Variants in CNTN2 observed in about 807,000 individuals in gnomAD.
CNTN2 encodes contactin-2.
CNTN2 carries 53 observed loss-of-function variants against 117.5 expected under a neutral mutation model. The ratio of observed to expected loss-of-function variants is 0.45; its 90% CI spans 0.36 to 0.57. The LOEUF (loss-of-function observed/expected upper bound fraction) is 0.57. Ranked by LOEUF, CNTN2 falls within the 20% of genes least tolerant of loss-of-function variation. The pLI is 0.00. For missense variants in CNTN2, 1,106 were observed against 1,404.3 expected (o/e 0.79, Z 3.39); for synonymous variants, 530 against 561.7 (o/e 0.94, Z 0.80).
At chr1:205,051,886 G>A (rs1236942519) in intron 1 of CNTN2, among the ~76,000 whole-genome samples, 2 of 152,206 alleles carry the variant, frequency 1.3e-5, no homozygotes, top group Non-Finnish European at 2.9e-5. Context: ...AGGCCTGAGA[G>A]GCAATCTTAG....
At chr1:205,050,271 A>C (rs2096450053) in intron 1 of CNTN2, among the ~76,000 whole-genome samples, 1 of 130,182 alleles carries the variant, frequency 7.7e-6, no homozygotes. Flanking sequence ...CTGACCCTAG[A>C]GCTCTGAGTG....
intron 19 of CNTN2, chr1:205,070,995 CAAA>C: frequency 2.0e-5 from 2 of 98,822 alleles, no homozygotes; most frequent in East Asian, 2.6e-4. Context: ...GACTCCATCT[CAAA>C]AAAAAAAAAA....
chr1:205,072,070 G>T lies in CNTN2; in HGVS notation c.2668G>T (p.Ala890Ser). 3 of 1,614,078 alleles carry T rather than the reference G, an allele frequency of 1.9e-6. No individual in the cohort carries two copies. The highest frequency in any genetic ancestry group is 2.2e-5 in the South Asian group (2 of 91,076). Residue 890 changes from alanine to serine, a missense_variant, in exon 20 of 23, where the codon GCC becomes TCC. Coordinates refer to ENST00000331830, the MANE Select transcript of CNTN2 (RefSeq NM_005076.5). Reference protein sequence around the residue: ...PNTKYHVTVRAYNRAGTGPAS... With the variant: ...PNTKYHVTVRSYNRAGTGPAS... ...CACCAAGTACCATGTGACCGTGAGG[G>T]CCTACAACCGGGCTGGCACTGGGCC...
rs764452806 is a variant in CNTN2 at position 205,071,979 on chromosome 1, A to G, written c.2577A>G (p.Ala859=). ...IRYWKAGDKE[A]AADRVRTAGL... Reference sequence around the variant, plus strand: ...ACTGGAAAGCTGGGGACAAAGAAGCAGCTGCGGACCGAGTGAGGACAGCAG... The same window carrying G: ...ACTGGAAAGCTGGGGACAAAGAAGCGGCTGCGGACCGAGTGAGGACAGCAG... Residue 859 remains alanine, a synonymous_variant, in exon 20 of 23, where the codon GCA becomes GCG. Transcript: ENST00000331830. 2.7e-5 allele frequency: 44 copies of G among 1,613,166 alleles called. No individual in the cohort carries two copies. Among genetic ancestry groups the G allele is most frequent in the Non-Finnish European group, 3.4e-6 (4 of 1,179,736 alleles).
chr1:205,058,818 A>C lies in CNTN2; in HGVS notation c.487+155A>C. 1.5e-6 allele frequency: 1 copy of C among 684,064 alleles called. No individual in the cohort carries two copies. Among genetic ancestry groups the C allele is most frequent in the South Asian group, 1.9e-5 (1 of 51,902 alleles). The allele number at this position is 684,064 out of a possible 1,614,324, so 42.4% of individuals were successfully genotyped here. On this transcript the variant is annotated intron_variant, in intron 5 of 22. Transcript: ENST00000331830. This position sits in a 1 kb window ranked among gnomAD's most constrained non-coding sequence, Gnocchi z 4.3. ...ACTTTAAATGATCTGTGTTTCCTTTATAGGTCTGTCACTTTCCATCGTTGT... is the reference window on the plus strand; with the variant it reads ...ACTTTAAATGATCTGTGTTTCCTTTCTAGGTCTGTCACTTTCCATCGTTGT...
At chr1:205,055,293 CAG>C (rs983069706) in intron 2 of CNTN2, among the ~76,000 whole-genome samples, 3 of 152,142 alleles carry the variant, frequency 2.0e-5, no homozygotes, top group African/African-American at 7.2e-5. Flanking sequence ...GGATTACAGG[CAG>C]AGAGTGTGTT....
rs576639180 is a variant in CNTN2, at chr1:205,061,428, G to C, written c.973+8G>C. The stretch of plus-strand genomic sequence containing the variant: ...GCCGCATCATCGTGCAGGGTACAGA[G>C]CCAGGGACACCTTCTCCGCCCCTCC... On this transcript the variant is annotated splice_region_variant and intron_variant, in intron 8 of 22. Transcript: ENST00000331830. The surrounding 1 kb of genome is among the most constrained non-coding windows in gnomAD (Gnocchi z 4.8). 6.3e-7 allele frequency: 1 copy of C among 1,589,576 alleles called. No individual in the cohort carries two copies. The highest frequency in any genetic ancestry group is 1.1e-5 in the South Asian group (1 of 89,532).
intron 1 of CNTN2, among the ~76,000 whole-genome samples, chr1:205,045,890 A>T (rs1376934201): frequency 6.6e-6 from 1 of 152,164 alleles, no homozygotes; most frequent in Non-Finnish European, 1.5e-5. Context: ...TCCTGCCTAG[A>T]GGCAAAGGTT....
Position 205,059,176 on chromosome 1 carries a change from A to G in CNTN2, c.580A>G (p.Ile194Val). ...FVSQTTGNLYIARTNASDLGN... is the reference protein window; with the variant it reads ...FVSQTTGNLYVARTNASDLGN... ...GTCCCAGACCACAGGGAACCTGTAC[A>G]TTGCCCGAACCAATGCCTCAGACCT... is the stretch of plus-strand genomic sequence containing the variant. Residue 194 changes from isoleucine to valine, a missense_variant, in exon 6 of 23, where the codon ATT (isoleucine) becomes GTT (valine). By Grantham distance (29) the Ile-to-Val change is conservative. Transcript: ENST00000331830. The surrounding 1 kb of genome is among the most constrained non-coding windows in gnomAD (Gnocchi z 5.6). 5 of 1,614,136 alleles carry G rather than the reference A, an allele frequency of 3.1e-6. No individual in the cohort carries two copies. Among genetic ancestry groups the G allele is most frequent in the African/African-American group, 1.3e-5 (1 of 75,028 alleles).
intron 2 of CNTN2, 55 bp from the exon 3 acceptor site, chr1:205,057,866 C>G: frequency 6.3e-7 from 1 of 1,587,688 alleles, no homozygotes; most frequent in African/African-American, 1.3e-5. Context: ...GCCCAAGAGG[C>G]CAGGCTCCAG....
At position 205,065,831 on chromosome 1, in the gene CNTN2, C is replaced by A. The variant is rs185787873; in HGVS notation, c.1738C>A (p.Arg580Ser). 6.2e-6 allele frequency: 10 copies of A among 1,602,938 alleles called. No individual in the cohort carries two copies. The highest frequency in any genetic ancestry group is 8.5e-6 in the Non-Finnish European group (10 of 1,172,588). Residue 580 changes from arginine to serine, a missense_variant, in exon 14 of 23, where the codon CGC (arginine) becomes AGC (serine). Arg to Ser is a moderately radical substitution (Grantham distance 110). Coordinates refer to ENST00000331830, the MANE Select transcript of CNTN2 (RefSeq NM_005076.5). This position sits in a 1 kb window ranked among gnomAD's most constrained non-coding sequence, Gnocchi z 4.1. ...TCTGACCATCCTGAACGCCCAGCTG[C>A]GCCATGGGGGGAAGTACACGTGCAT... ...GDLTILNAQLRHGGKYTCMAQ... is the reference protein window; with the variant it reads ...GDLTILNAQLSHGGKYTCMAQ...
Position 205,049,322 on chromosome 1 carries a change from A to G in CNTN2, c.-86-3778A>G, listed in dbSNP as rs1171727837. On this transcript the variant is annotated intron_variant, in intron 1 of 22. Coordinates refer to ENST00000331830, the MANE Select transcript of CNTN2 (RefSeq NM_005076.5). The stretch of plus-strand genomic sequence containing the variant: ...CACACACACACACACACACACACAC[A>G]CACAGACATACACACAAAGACCGGA... Among the ~76,000 whole-genome samples the G allele has an allele frequency of 1.7e-4, 26 of 150,974 alleles. 1 individual carries two copies.
chr1:205,062,101 CT>C (rs760238741), intron 9 of CNTN2, 100 bp downstream of exon 9: 1 of 1,436,276 alleles, frequency 7.0e-7, no homozygotes, highest in Non-Finnish European at 9.4e-7. Flanking sequence ...AGTAGCCCCT[CT>C]GGGCTAATTA....
In CNTN2 at chr1:205,065,026, C is replaced by T. The variant is rs750074760; in HGVS notation, c.1520-61C>T. The T allele has an allele frequency of 1.2e-4, 195 of 1,562,012 alleles. No individual in the cohort carries two copies. Among genetic ancestry groups the T allele is most frequent in the Non-Finnish European group, 1.6e-4 (185 of 1,142,982 alleles). On this transcript the variant is annotated intron_variant, in intron 12 of 22. Coordinates refer to ENST00000331830, the MANE Select transcript of CNTN2 (RefSeq NM_005076.5). This position sits in a 1 kb window ranked among gnomAD's most constrained non-coding sequence, Gnocchi z 4.1. Reference sequence around the variant, plus strand: ...GGACAGAGCCTCTCAGCCTGCCCTGCGGACCCGGCCTGGGCCCATTTCCTC... The same window carrying T: ...GGACAGAGCCTCTCAGCCTGCCCTGTGGACCCGGCCTGGGCCCATTTCCTC...
At position 205,073,839 on chromosome 1, in the gene CNTN2, A is replaced by G; in HGVS notation, c.*74A>G. On this transcript the variant is annotated 3_prime_UTR_variant, in exon 23 of 23. Transcript: ENST00000331830. This position sits in a 1 kb window ranked among gnomAD's most constrained non-coding sequence, Gnocchi z 6.3. ...ACACAGCCAGCCCCTTCCTGCTGCCAAGGTGGCCTGACACTGTGCCAGAGA... is the reference window on the plus strand; with the variant it reads ...ACACAGCCAGCCCCTTCCTGCTGCCGAGGTGGCCTGACACTGTGCCAGAGA... 1 of 1,275,180 alleles carries G rather than the reference A, an allele frequency of 7.8e-7. No homozygotes were observed. Among genetic ancestry groups the G allele is most frequent in the Non-Finnish European group, 1.1e-6 (1 of 892,680 alleles). The allele number at this position is 1,275,180 out of a possible 1,614,324, so 79.0% of individuals were successfully genotyped here.
intron 2 of CNTN2, among the ~76,000 whole-genome samples, chr1:205,055,732 T>G (rs1438492108): frequency 6.6e-6 from 1 of 152,172 alleles, no homozygotes; most frequent in African/African-American, 2.4e-5. Flanking sequence ...CCAGATCCGC[T>G]CCTTCTCGCT....
At chr1:205,045,967 T>C (rs886503001) in intron 1 of CNTN2, among the ~76,000 whole-genome samples, 2 of 152,200 alleles carry the variant, frequency 1.3e-5, no homozygotes, top group Non-Finnish European at 2.9e-5. Context: ...AAAAGGTGGA[T>C]GTGACTCAGG....
In CNTN2 at chr1:205,074,827, A is replaced by C. The variant is rs936994078; in HGVS notation, c.*1062A>C. 2.5e-6 allele frequency: 1 copy of C among 398,532 alleles called. No homozygotes were observed. The highest frequency in any genetic ancestry group is 2.1e-5 in the African/African-American group (1 of 48,622). 24.7% of individuals were successfully genotyped at this position (398,532 alleles called of 1,614,324 possible). ...ATTGGGAGGTTTCTGGGAAGGGCAG[A>C]GGATAAATGTGGCCCTGCCTGCTCC... On this transcript the variant is annotated 3_prime_UTR_variant, in exon 23 of 23. Coordinates refer to ENST00000331830, the MANE Select transcript of CNTN2 (RefSeq NM_005076.5).
At position 205,076,460 on chromosome 1, in the gene CNTN2, G is replaced by C. The variant is rs1220460766; in HGVS notation, c.*2695G>C. 2.0e-5 allele frequency: 3 copies of C among 152,180 alleles called. No individual in the cohort carries two copies. Among genetic ancestry groups the C allele is most frequent in the Non-Finnish European group, 4.4e-5 (3 of 68,030 alleles). 9.4% of individuals were successfully genotyped at this position (152,180 alleles called of 1,614,324 possible). ...GATTTTCGTGTTCTCTGCCCAGATG[G>C]GCTGGGGGAGTTGAGAGTGTGCTTA... On this transcript the variant is annotated 3_prime_UTR_variant, in exon 23 of 23. Coordinates refer to ENST00000331830, the MANE Select transcript of CNTN2 (RefSeq NM_005076.5).
Sources: allele counts gnomAD v4.1 joint callset (sites outside exome capture counted in the v4.1 genomes callset), GRCh38; gene constraint gnomAD v4.1.1; non-coding constraint Gnocchi (gnomAD v3.1); transcripts MANE v1.5; gene names NCBI Gene and HGNC (gene_info 2026-07-23, HGNC 2026-07-21).